Variants in HTR1E observed in about 807,000 individuals in gnomAD.
HTR1E encodes 5-HT-1E.
In HTR1E, 3 loss-of-function variants were observed where a neutral mutation model predicts 3.4. The ratio of observed to expected loss-of-function variants is 0.89; its 90% CI spans 0.41 to 2.31. The LOEUF is 2.31. Among genes scored for constraint, HTR1E ranks in the 30% most tolerant of loss-of-function variants. HTR1E has a pLI of 0.05. For synonymous variants in HTR1E, 170 were observed against 182.8 expected (o/e 0.93, Z 0.56); for missense variants, 392 against 467.0 (o/e 0.84, Z 1.48).
intron 1 of HTR1E, chr6:86,970,847 A>G: frequency 4.0e-6 from 1 of 250,060 alleles, no homozygotes; most frequent in Non-Finnish European, 7.8e-6. Context: ...TTCAGTTAAC[A>G]TACTGAGGCT....
intron 1 of HTR1E, among the ~76,000 whole-genome samples, chr6:86,953,094 C>G (rs1480933423): frequency 2.0e-5 from 3 of 152,166 alleles, no homozygotes; most frequent in Non-Finnish European, 4.4e-5. Context: ...CTTTACATAG[C>G]TTTGTTAACT....
At chr6:86,938,355 T>G (rs1272890224) in intron 1 of HTR1E, among the ~76,000 whole-genome samples, 1 of 152,170 alleles carries the variant, frequency 6.6e-6, no homozygotes, top group African/African-American at 2.4e-5. Flanking sequence ...GTGGAGGTAA[T>G]GAGGCAGGCT....
chr6:87,009,793 C>A (rs1287342258), intron 1 of HTR1E, among the ~76,000 whole-genome samples: 1 of 129,868 alleles, frequency 7.7e-6, no homozygotes, highest in Non-Finnish European at 1.6e-5. Context: ...TGACCTCCCC[C>A]ACCTCCCTCC....
At chr6:86,973,849 G>A (rs900338953) in intron 1 of HTR1E, among the ~76,000 whole-genome samples, 4 of 152,116 alleles carry the variant, frequency 2.6e-5, no homozygotes, top group African/African-American at 4.8e-5. Flanking sequence ...TTCTGCTCCA[G>A]GTGAAAGCCG....
intron 1 of HTR1E, among the ~76,000 whole-genome samples, chr6:86,942,563 T>C (rs944651689): frequency 1.3e-5 from 2 of 152,244 alleles, no homozygotes; most frequent in Non-Finnish European, 2.9e-5. Context: ...TTTCTTACCA[T>C]TCTTTCCTTC....
At chr6:86,992,597 G>A (rs1211424976) in intron 1 of HTR1E, among the ~76,000 whole-genome samples, 1 of 152,186 alleles carries the variant, frequency 6.6e-6, no homozygotes, top group Non-Finnish European at 1.5e-5. Context: ...ATACTTCAGA[G>A]TTCAATATGT....
At chr6:87,008,619 G>C (rs1245783630) in intron 1 of HTR1E, among the ~76,000 whole-genome samples, 1 of 152,168 alleles carries the variant, frequency 6.6e-6, no homozygotes, top group East Asian at 1.9e-4. Context: ...TGTGGGGAAA[G>C]GTGAGTGTTG....
chr6:87,010,040 G>GTGGC (rs1768185314), intron 1 of HTR1E, among the ~76,000 whole-genome samples: 1 of 133,612 alleles, frequency 7.5e-6, no homozygotes, highest in African/African-American at 3.0e-5. Flanking sequence ...CCCGGACGGG[G>GTGGC]TGGCTGGCCA....
At chr6:86,959,654 A>G (rs935712612) in intron 1 of HTR1E, among the ~76,000 whole-genome samples, 3 of 152,228 alleles carry the variant, frequency 2.0e-5, no homozygotes, top group African/African-American at 7.2e-5. Flanking sequence ...CTGGAGCCTT[A>G]GCTGTGTAGG....
intron 1 of HTR1E, among the ~76,000 whole-genome samples, chr6:86,958,190 C>G (rs1411150390): frequency 6.6e-6 from 1 of 151,782 alleles, no homozygotes; most frequent in Non-Finnish European, 1.5e-5. Context: ...TCCCAAGTAA[C>G]TGGGACTACA....
chr6:87,015,074 A>C (rs534426008), intron 1 of HTR1E, 76 bp from the exon 2 acceptor site: 7 of 286,140 alleles, frequency 2.4e-5, no homozygotes, highest in African/African-American at 1.5e-4. Context: ...GAATTTATAA[A>C]TATCAAACTA....
chr6:86,942,997 A>G (rs1268966208), intron 1 of HTR1E, among the ~76,000 whole-genome samples: 1 of 152,234 alleles, frequency 6.6e-6, no homozygotes, highest in African/African-American at 2.4e-5. Flanking sequence ...AAAGATGTCC[A>G]GCCGGGTCCC....
chr6:86,993,568 A>C lies in HTR1E; in HGVS notation c.-185-21582A>C, dbSNP rs538702172. Reference sequence around the variant, plus strand: ...ACTATATTTCTACCAAGCACTACCCAAAAAAAAAAAAAAAGTGACTCTATC... The same window carrying C: ...ACTATATTTCTACCAAGCACTACCCCAAAAAAAAAAAAAAGTGACTCTATC... On this transcript the variant is annotated intron_variant, in intron 1 of 1. Transcript: ENST00000305344. Among the ~76,000 whole-genome samples the C allele has an allele frequency of 4.6e-4, 56 of 121,940 alleles. No homozygotes were observed. The South Asian group carries it at 0.011, about 25-fold the overall frequency. The allele number at this position is 121,940 out of a possible 152,430, so 80.0% of individuals were successfully genotyped here.
intron 1 of HTR1E, among the ~76,000 whole-genome samples, chr6:86,958,986 A>C (rs879642493): frequency 5.4e-5 from 8 of 147,786 alleles, no homozygotes; most frequent in Non-Finnish European, 1.0e-4. Context: ...GTGTGTGTAC[A>C]GAAAGAGAGA....
chr6:86,987,328 C>A (rs1767803376), intron 1 of HTR1E, among the ~76,000 whole-genome samples: 2 of 152,106 alleles, frequency 1.3e-5, no homozygotes, highest in Admixed American at 1.3e-4. Context: ...CTCTCCAAGG[C>A]ACACAAGTCT....
At chr6:86,942,503 A>C (rs1229535128) in intron 1 of HTR1E, among the ~76,000 whole-genome samples, 1 of 152,212 alleles carries the variant, frequency 6.6e-6, no homozygotes, top group Non-Finnish European at 1.5e-5. Context: ...CATTCAAAGA[A>C]AGAAGCATGA....
intron 1 of HTR1E, among the ~76,000 whole-genome samples, chr6:87,003,708 A>T (rs1768057838): frequency 6.6e-6 from 1 of 152,130 alleles, no homozygotes; most frequent in Admixed American, 6.5e-5. Context: ...TGTCTTATAC[A>T]ACTAGAAAAG....
At position 87,016,165 on chromosome 6, in the gene HTR1E, A is replaced by G. The variant is rs751167185; in HGVS notation, c.831A>G (p.Glu277=). The G allele has an allele frequency of 4.3e-6, 7 of 1,613,996 alleles. No individual in the cohort carries two copies. Among genetic ancestry groups the G allele is most frequent in the Admixed American group, 1.7e-5 (1 of 59,988 alleles). The part of the protein sequence containing the change: ...PFDNDLDHPG[E]RQQISSTRER... ...ACAATGATCTAGATCACCCAGGAGA[A>G]CGTCAGCAGATCTCTAGCACCAGGG... The change falls in exon 2 of 2, where the codon GAA becomes GAG. Residue 277 remains glutamate, a synonymous_variant. Coordinates refer to ENST00000305344, the MANE Select transcript of HTR1E (RefSeq NM_000865.3).
At chr6:87,009,960 G>A (rs1768182726) in intron 1 of HTR1E, among the ~76,000 whole-genome samples, 5 of 130,208 alleles carry the variant, frequency 3.8e-5, no homozygotes, top group South Asian at 5.1e-4. Flanking sequence ...AGGGGCGGCC[G>A]GGCAGAGGCG....
Sources: allele counts gnomAD v4.1 joint callset (sites outside exome capture counted in the v4.1 genomes callset), GRCh38; gene constraint gnomAD v4.1.1; transcripts MANE v1.5; gene names NCBI Gene and HGNC (gene_info 2026-07-23, HGNC 2026-07-21).